The following NELL2 variants were observed in gnomAD, a reference collection of about 807,000 sequenced individuals.
NELL2 encodes the protein neural EGFL like 2.
A neutral mutation model predicts 109.6 loss-of-function variants in NELL2; 41 were observed. The observed-to-expected ratio is 0.37, with a 90% CI of 0.29 to 0.49. The LOEUF (loss-of-function observed/expected upper bound fraction) is 0.49. NELL2 is among the 20% of genes least tolerant of loss of function. The probability of loss-of-function intolerance (pLI) is 0.98; values close to 1 mark genes in which losing one functional copy is unlikely to be tolerated. For missense variants in NELL2, 900 were observed against 1,008.3 expected, an observed-to-expected ratio of 0.89 and a Z score of 1.45; for synonymous variants, 355 against 344.7, an observed-to-expected ratio of 1.03 and a Z score of -0.33.
chr12:44,605,317 T>C (rs1305228548), intron 15 of NELL2, among the ~76,000 whole-genome samples: 2 of 151,912 alleles, frequency 1.3e-5, no homozygotes, highest in African/African-American at 2.4e-5. Flanking sequence ...TGGCGAAGAG[T>C]AAGGTGATGT....
At chr12:44,796,151 A>AC (rs1490844106) in intron 3 of NELL2, among the ~76,000 whole-genome samples, 4 of 152,134 alleles carry the variant, frequency 2.6e-5, no homozygotes, top group African/African-American at 9.7e-5. Context: ...TAAAAGTTGT[A>AC]AGTGCTTACT....
chr12:44,512,876 G>A (rs1266213148), intron 19 of NELL2, among the ~76,000 whole-genome samples: 1 of 151,948 alleles, frequency 6.6e-6, no homozygotes, highest in East Asian at 1.9e-4. Context: ...CTAGATAGGA[G>A]GAATAAGTTC....
chr12:44,640,972 C>G (rs1017812260), intron 13 of NELL2, among the ~76,000 whole-genome samples: 9 of 152,140 alleles, frequency 5.9e-5, no homozygotes, highest in African/African-American at 1.9e-4. Flanking sequence ...AACTGCTCCA[C>G]AGATCTCAGA....
chr12:44,873,300 A>G (rs759040960), intron 2 of NELL2, among the ~76,000 whole-genome samples: 2 of 152,186 alleles, frequency 1.3e-5, no homozygotes, highest in South Asian at 4.1e-4. Context: ...ATCAATGTAC[A>G]TGGATATCTA....
intron 3 of NELL2, among the ~76,000 whole-genome samples, chr12:44,806,449 TACAC>T: frequency 6.6e-6 from 1 of 152,008 alleles, no homozygotes; most frequent in East Asian, 1.9e-4. Context: ...AAATTACACA[TACAC>T]ATACATATTT....
At chr12:44,611,766 G>C (rs1007672723) in intron 13 of NELL2, among the ~76,000 whole-genome samples, 2 of 151,940 alleles carry the variant, frequency 1.3e-5, no homozygotes, top group Admixed American at 6.6e-5. Context: ...AAGTTCACAG[G>C]AATATCAAGT....
At chr12:44,920,297 T>C (rs1592722199) in intron 1 of NELL2, among the ~76,000 whole-genome samples, 1 of 152,186 alleles carries the variant, frequency 6.6e-6, no homozygotes, top group Non-Finnish European at 1.5e-5. Flanking sequence ...TTTGGACATA[T>C]CTTTCAAATT....
chr12:44,581,364 C>T (rs2136211132), intron 15 of NELL2, among the ~76,000 whole-genome samples: 1 of 152,238 alleles, frequency 6.6e-6, no homozygotes. Flanking sequence ...GCAGAATAAA[C>T]TAATGAAGGG....
chr12:44,821,484 A>G (rs1196420684), intron 2 of NELL2, among the ~76,000 whole-genome samples: 2 of 152,242 alleles, frequency 1.3e-5, no homozygotes, highest in Admixed American at 6.5e-5. Context: ...TAAGTAGGTG[A>G]GTAGTGATTT....
intron 13 of NELL2, among the ~76,000 whole-genome samples, chr12:44,648,632 A>G (rs1234872323): frequency 6.6e-6 from 1 of 151,502 alleles, no homozygotes; most frequent in Non-Finnish European, 1.5e-5. Flanking sequence ...AGAATGAGAT[A>G]GTATCATACC....
intron 12 of NELL2, among the ~76,000 whole-genome samples, chr12:44,692,869 G>A (rs1477539614): frequency 2.0e-5 from 3 of 152,102 alleles, no homozygotes; most frequent in Admixed American, 2.0e-4. Flanking sequence ...TTATGAATAA[G>A]CAAAGAAAGT....
chr12:44,880,777 A>G (rs1945402075), upstream of NELL2: 1 of 152,088 alleles, frequency 6.6e-6, no homozygotes, highest in Non-Finnish European at 1.5e-5. Flanking sequence ...CAAGCAAACT[A>G]GGAAAGAAAA....
At chr12:44,873,744 C>CAA (rs35182533) in intron 2 of NELL2, among the ~76,000 whole-genome samples, 4 of 146,510 alleles carry the variant, frequency 2.7e-5, no homozygotes, top group Non-Finnish European at 3.0e-5. Flanking sequence ...ACAACAACAA[C>CAA]AAAAAAAAAA....
chr12:44,558,423 A>G (rs896928869), intron 15 of NELL2, among the ~76,000 whole-genome samples: 5 of 152,198 alleles, frequency 3.3e-5, no homozygotes, highest in Non-Finnish European at 5.9e-5. Flanking sequence ...ATAAACGTGG[A>G]AGGTGGGTGA....
chr12:44,560,347 T>C (rs1039850819), intron 15 of NELL2, among the ~76,000 whole-genome samples: 1 of 152,030 alleles, frequency 6.6e-6, no homozygotes, highest in African/African-American at 2.4e-5. Flanking sequence ...CAGAGGAAGA[T>C]AGAGACATTA....
intron 8 of NELL2, among the ~76,000 whole-genome samples, chr12:44,775,657 CAT>C (rs1404287047): frequency 1.3e-5 from 2 of 152,056 alleles, no homozygotes; most frequent in African/African-American, 4.8e-5. Context: ...TTTAATGCTG[CAT>C]ATGACTTAGT....
At chr12:44,871,808 T>C (rs1458259907) in intron 2 of NELL2, among the ~76,000 whole-genome samples, 5 of 152,210 alleles carry the variant, frequency 3.3e-5, no homozygotes, top group Non-Finnish European at 7.4e-5. Flanking sequence ...TAAAGTTTTT[T>C]ACAAATAACT....
intron 11 of NELL2, among the ~76,000 whole-genome samples, chr12:44,708,330 C>T: frequency 6.6e-6 from 1 of 152,184 alleles, no homozygotes; most frequent in East Asian, 1.9e-4. Flanking sequence ...AATTTGGAGC[C>T]TGACTTCGGT....
intron 9 of NELL2, among the ~76,000 whole-genome samples, chr12:44,746,532 T>A (rs1427653499): frequency 2.0e-5 from 3 of 151,800 alleles, no homozygotes; most frequent in Non-Finnish European, 4.4e-5. Flanking sequence ...TGGGAGAAAA[T>A]TTTTGCAACC....
Sources: gnomAD v4.1 joint callset for allele counts (sites outside exome capture counted in the v4.1 genomes callset) on GRCh38, gnomAD v4.1.1 for gene constraint, MANE v1.5 for transcripts, NCBI Gene and HGNC (gene_info 2026-07-23, HGNC 2026-07-21) for gene names.